Variants in WNK1 observed in about 807,000 individuals in gnomAD.
WNK1 encodes serine/threonine-protein kinase WNK1.
Under a neutral mutation model 222.8 loss-of-function variants are expected in WNK1, and 38 were observed. The ratio of observed to expected loss-of-function variants is 0.17; its 90% CI spans 0.13 to 0.22. The LOEUF (loss-of-function observed/expected upper bound fraction) is 0.22, where lower values mean the gene tolerates loss of function less well. Among genes scored for constraint, WNK1 ranks in the 10% least tolerant of loss-of-function variants. The probability of loss-of-function intolerance (pLI) is 1.00; values close to 1 mark genes in which losing one functional copy is unlikely to be tolerated. For synonymous variants in WNK1, 1,090 were observed against 1,092.9 expected (o/e 1.00, Z 0.05); for missense variants, 2,348 against 2,918.4 (o/e 0.80, Z 4.50).
intron 2 of WNK1, among the ~76,000 whole-genome samples, chr12:816,482 G>A (rs969163428): frequency 2.7e-5 from 4 of 150,242 alleles, no homozygotes; most frequent in Non-Finnish European, 5.9e-5. Context: ...TGTCTATTTT[G>A]TTGCCCAGGC....
chr12:883,601 T>A, intron 16 of WNK1, 33 bp downstream of exon 16: 1 of 1,613,798 alleles, frequency 6.2e-7, no homozygotes, highest in African/African-American at 1.3e-5. Flanking sequence ...GAAACTTTGT[T>A]GATTTAAAAT....
chr12:754,037 A>T lies in WNK1; in HGVS notation c.472A>T (p.Ser158Cys), dbSNP rs751326754. 19 of 1,593,362 alleles carry T rather than the reference A, an allele frequency of 1.2e-5. No individual in the cohort carries two copies. The highest frequency in any genetic ancestry group is 1.4e-5 in the Non-Finnish European group (16 of 1,170,396). ...VAGPAPSTVPSSTSKDRPVSQ... is the reference protein window; with the variant it reads ...VAGPAPSTVPCSTSKDRPVSQ... ...GGGCCCTGCCCCCTCGACTGTCCCC[A>T]GCAGTACCAGCAAAGACCGCCCAGT... Residue 158 changes from serine (S) to cysteine (C), a missense_variant, in exon 1 of 28, where the codon AGC becomes TGC. Around this residue, in one of 13 missense-constraint regions of WNK1, gnomAD observed 185 missense variants for 159.2 expected, o/e 1.16. Transcript: ENST00000315939.
chr12:757,523 C>T (rs1007361126), intron 1 of WNK1, among the ~76,000 whole-genome samples: 1 of 151,642 alleles, frequency 6.6e-6, no homozygotes, highest in Non-Finnish European at 1.5e-5. Flanking sequence ...TAAATAATGC[C>T]TAGGTAATAT....
chr12:865,934 T>A (rs1207021355), intron 8 of WNK1, among the ~76,000 whole-genome samples: 2 of 152,192 alleles, frequency 1.3e-5, no homozygotes, highest in Non-Finnish European at 2.9e-5. Context: ...ATTTTTTCCT[T>A]AGGTTTCAAC....
At chr12:886,656 G>A (rs1800641068) in intron 19 of WNK1, among the ~76,000 whole-genome samples, 2 of 152,158 alleles carry the variant, frequency 1.3e-5, no homozygotes, top group South Asian at 4.1e-4. Flanking sequence ...AAATAACAAG[G>A]CTGTGTTACG....
rs192763382 is a variant in WNK1, at chr12:789,916, A to G, written c.760-23726A>G. ...GCAGCAATTTCTTTAACAATGCTTC[A>G]TATCTTACTGGTCAGAGTTGTGGGT... On this transcript the variant is annotated intron_variant, in intron 1 of 27. Transcript: ENST00000315939. Among the ~76,000 whole-genome samples, 400 of 152,336 alleles carry G rather than the reference A, an allele frequency of 2.6e-3. 6 individuals are homozygous for G. Among genetic ancestry groups the G allele is most frequent in the South Asian group, 8.3e-4 (4 of 4,826 alleles).
chr12:861,093 G>C lies in WNK1; in HGVS notation c.1701G>C (p.Arg567Ser), dbSNP rs1280224791. Residue 567 changes from arginine to serine, a missense_variant, in exon 7 of 28, where the codon AGG becomes AGC. Physicochemically the swap from Arg to Ser is moderately radical, Grantham distance 110 (BLOSUM62 -1). This residue lies in a region of WNK1 where 103 missense variants were observed against 111.5 expected (regional missense o/e 0.92). Coordinates refer to ENST00000315939, the MANE Select transcript of WNK1 (RefSeq NM_018979.4). ...AIKDRVSLIK[R>S]KREQRQLVRE... is the part of the protein sequence containing the mutation. ...AAGACAGAGTATCATTAATTAAGAG[G>C]AAACGAGAGCAGCGGCAGTTGGTAC... 11 of 1,613,660 alleles carry C rather than the reference G, an allele frequency of 6.8e-6. No homozygotes were observed. Among genetic ancestry groups the C allele is most frequent in the Non-Finnish European group, 9.3e-6 (11 of 1,179,956 alleles).
intron 21 of WNK1, among the ~76,000 whole-genome samples, chr12:889,811 T>G (rs1238232749): frequency 1.3e-5 from 2 of 152,178 alleles, no homozygotes; most frequent in Non-Finnish European, 2.9e-5. Flanking sequence ...AGAGCGAGAC[T>G]CCATCTCAAA....
intron 8 of WNK1, chr12:865,140 G>A (rs1565541828): frequency 6.6e-7 from 1 of 1,509,346 alleles, no homozygotes; most frequent in Non-Finnish European, 8.8e-7. Context: ...GTCGGTTTGT[G>A]TTCCCATCTT....
chr12:807,719 T>C (rs1039775665), intron 1 of WNK1, among the ~76,000 whole-genome samples: 3 of 113,742 alleles, frequency 2.6e-5, no homozygotes, highest in African/African-American at 3.8e-5. Flanking sequence ...TTCTTTTTTT[T>C]TTTTTTTTTT....
At chr12:860,942 CG>C (rs1314387696) in intron 6 of WNK1, 70 bp from the exon 7 acceptor site, 13 of 1,090,484 alleles carry the variant, frequency 1.2e-5, no homozygotes, top group Admixed American at 2.7e-5. Flanking sequence ...TTTTTTTTGG[CG>C]GGGGGTGGTG....
At chr12:802,602 A>G (rs1283832631) in intron 1 of WNK1, among the ~76,000 whole-genome samples, 2 of 152,112 alleles carry the variant, frequency 1.3e-5, no homozygotes, top group Non-Finnish European at 1.5e-5. Context: ...TTTTCCCTCT[A>G]GAAGTAAAAA....
At position 840,858 on chromosome 12, in the gene WNK1, C is replaced by T. The variant is rs185215814; in HGVS notation, c.1311+10698C>T. On this transcript the variant is annotated intron_variant, in intron 4 of 27. Coordinates refer to ENST00000315939, the MANE Select transcript of WNK1 (RefSeq NM_018979.4). ...GCAAACAAGTAGCTACTTAACAGGT[C>T]AGAAAATGTGTAGGCAGTCTTTTCT... Among the ~76,000 whole-genome samples, 26 of 152,292 alleles carry T rather than the reference C, an allele frequency of 1.7e-4. 1 individual carries two copies. The highest frequency in any genetic ancestry group is 3.3e-4 in the Admixed American group (5 of 15,302).
chr12:834,766 G>A (rs1490046744), intron 4 of WNK1, among the ~76,000 whole-genome samples: 1 of 152,142 alleles, frequency 6.6e-6, no homozygotes, highest in Non-Finnish European at 1.5e-5. Context: ...TATGAAATAT[G>A]AGTTGTCATC....
chr12:887,110 A>G, intron 19 of WNK1, 111 bp from the exon 20 acceptor site: 7 of 970,038 alleles, frequency 7.2e-6, no homozygotes, highest in East Asian at 2.5e-5. Context: ...TGTCTTAACT[A>G]TATATATTTT....
At position 882,018 on chromosome 12, in the gene WNK1, T is replaced by G. The variant is rs932264842; in HGVS notation, c.3317T>G (p.Val1106Gly). 1.2e-6 allele frequency: 2 copies of G among 1,614,002 alleles called. No homozygotes were observed. The highest frequency in any genetic ancestry group is 1.7e-6 in the Non-Finnish European group (2 of 1,180,016). The change falls in exon 14 of 28, where the codon GTA (valine) becomes GGA (glycine). Residue 1106 changes from valine (V) to glycine (G), a missense_variant. Physicochemically the swap from Val to Gly is moderately radical, Grantham distance 109 (BLOSUM62 -3). This residue lies in a region of WNK1 where 547 missense variants were observed against 558.3 expected (regional missense o/e 0.98). Coordinates refer to ENST00000315939, the MANE Select transcript of WNK1 (RefSeq NM_018979.4). Reference sequence around the variant, plus strand: ...ACAAAACGGCATTACCGAAAATCTGTAAGGAGTCGCTCTCGACATGAAAAA... The same window carrying G: ...ACAAAACGGCATTACCGAAAATCTGGAAGGAGTCGCTCTCGACATGAAAAA... Reference protein sequence around the residue: ...RTTKRHYRKSVRSRSRHEKTS... With the variant: ...RTTKRHYRKSGRSRSRHEKTS...
intron 8 of WNK1, among the ~76,000 whole-genome samples, chr12:870,200 G>A (rs1952023424): frequency 6.6e-6 from 1 of 152,132 alleles, no homozygotes; most frequent in Admixed American, 6.5e-5. Flanking sequence ...CAATTATTTA[G>A]TGCTGTACTA....
intron 26 of WNK1, among the ~76,000 whole-genome samples, chr12:903,205 G>A (rs936003436): frequency 6.6e-6 from 1 of 152,186 alleles, no homozygotes; most frequent in Non-Finnish European, 1.5e-5. Flanking sequence ...TAATGAGTTA[G>A]CTGTACTTGA....
At chr12:807,998 C>T (rs1351725408) in intron 1 of WNK1, among the ~76,000 whole-genome samples, 3 of 151,998 alleles carry the variant, frequency 2.0e-5, no homozygotes, top group African/African-American at 4.8e-5. Flanking sequence ...GGATTCCAGG[C>T]GTGAGCCACC....
Sources: allele counts gnomAD v4.1 joint callset (sites outside exome capture counted in the v4.1 genomes callset), GRCh38; gene constraint gnomAD v4.1.1; regional missense constraint gnomAD v4.1.1; transcripts MANE v1.5; gene names NCBI Gene and HGNC (gene_info 2026-07-23, HGNC 2026-07-21).